VCAN: variants seen among roughly 807,000 people sequenced by gnomAD.
The protein encoded by VCAN is versican.
A neutral mutation model predicts 245.5 loss-of-function variants in VCAN; 44 were observed. The ratio of observed to expected loss-of-function variants is 0.18; its 90% CI spans 0.14 to 0.23. VCAN has a LOEUF of 0.23. Among genes scored for constraint, VCAN ranks in the 10% least tolerant of loss-of-function variants. VCAN has a pLI of 1.00. For synonymous variants in VCAN, 1,413 were observed against 1,437.0 expected, an observed-to-expected ratio of 0.98 and a Z score of 0.38; for missense variants, 3,793 against 4,057.9, an observed-to-expected ratio of 0.93 and a Z score of 1.77.
chr5:83,481,969 A>G (rs558406141), intron 1 of VCAN, among the ~76,000 whole-genome samples: 117 of 152,320 alleles, frequency 7.7e-4, no homozygotes, highest in African/African-American at 2.8e-3. Context: ...TTCTTTTCCA[A>G]TGAAGTTTTT....
intron 13 of VCAN, among the ~76,000 whole-genome samples, chr5:83,577,859 A>G (rs1006461107): frequency 1.3e-5 from 2 of 152,082 alleles, no homozygotes; most frequent in Non-Finnish European, 2.9e-5. Context: ...TTTCTGGTCT[A>G]TTTTCCTGTC....
intron 11 of VCAN, 49 bp from the exon 12 acceptor site, chr5:83,554,907 C>A: frequency 6.5e-7 from 1 of 1,526,800 alleles, no homozygotes; most frequent in Non-Finnish European, 9.1e-7. Context: ...TATTTTCATC[C>A]ATATATGGAA....
rs757255572 is a variant in VCAN, at chr5:83,520,602, A to G, written c.2296A>G (p.Met766Val). ...LSAEPTEVRD[M>V]EEDFTATPGT... ...TGCAGAGCCAACAGAAGTAAGAGAT[A>G]TGGAGGAAGACTTTACAGCAACTCC... Residue 766 changes from methionine to valine, a missense_variant, in exon 7 of 15, where the codon ATG becomes GTG. This residue lies in a region of VCAN where 3,182 missense variants were observed against 3,250.3 expected (regional missense o/e 0.98). Coordinates refer to ENST00000265077, the MANE Select transcript of VCAN (RefSeq NM_004385.5). 21 of 1,613,946 alleles carry G rather than the reference A, an allele frequency of 1.3e-5. No homozygotes were observed. The African/African-American group carries it at 1.9e-4, about 14-fold the overall frequency.
intron 5 of VCAN, among the ~76,000 whole-genome samples, chr5:83,499,223 T>C (rs1294245276): frequency 6.6e-6 from 1 of 152,164 alleles, no homozygotes; most frequent in African/African-American, 2.4e-5. Context: ...CCATGTGATT[T>C]ATTGCTTAAT....
chr5:83,571,773 T>C (rs1352189124), intron 12 of VCAN, among the ~76,000 whole-genome samples: 2 of 152,168 alleles, frequency 1.3e-5, no homozygotes, highest in African/African-American at 4.8e-5. Flanking sequence ...CTCAACTGTA[T>C]GGTGCAAATA....
chr5:83,497,254 A>G (rs1745187858), intron 5 of VCAN, among the ~76,000 whole-genome samples: 2 of 152,238 alleles, frequency 1.3e-5, no homozygotes, highest in Admixed American at 1.3e-4. Context: ...AAAGATATAT[A>G]GTTGACAGTA....
At chr5:83,525,034 C>G (rs1746239809) in intron 7 of VCAN, among the ~76,000 whole-genome samples, 1 of 146,506 alleles carries the variant, frequency 6.8e-6, no homozygotes, top group Non-Finnish European at 1.5e-5. Context: ...CTCAGCGAGT[C>G]ATATAAATCT....
In VCAN at chr5:83,540,346, C is replaced by A. The variant is rs745845546; in HGVS notation, c.7343C>A (p.Thr2448Asn). 6.2e-7 allele frequency: 1 copy of A among 1,614,074 alleles called. No individual in the cohort carries two copies. Among genetic ancestry groups the A allele is most frequent in the Non-Finnish European group, 8.5e-7 (1 of 1,179,972 alleles). Residue 2448 changes from threonine (T) to asparagine (N), a missense_variant, in exon 8 of 15, where the codon ACT becomes AAT. Coordinates refer to ENST00000265077, the MANE Select transcript of VCAN (RefSeq NM_004385.5). The part of the protein sequence containing the change: ...IVDSFHTSAT[T>N]QATRQESSTT... The stretch of plus-strand genomic sequence containing the variant: ...GATTCATTTCACACTTCTGCAACTA[C>A]TCAGGCAACCAGACAAGAAAGCAGC...
chr5:83,507,254 A>T lies in VCAN; in HGVS notation c.749-4849A>T, dbSNP rs574059557. ...GGCTTCTTGTCAAACTACAAAAAAG[A>T]TGCTTGTTTTCCAGGAAAGCAACTA... On this transcript the variant is annotated intron_variant, in intron 5 of 14. Coordinates refer to ENST00000265077, the MANE Select transcript of VCAN (RefSeq NM_004385.5). Among the ~76,000 whole-genome samples the T allele has an allele frequency of 2.0e-5, 3 of 152,318 alleles. No homozygotes were observed. The East Asian group carries it at 5.8e-4, about 29-fold the overall frequency.
At chr5:83,575,246 C>T (rs1561277793) in intron 13 of VCAN, among the ~76,000 whole-genome samples, 1 of 152,162 alleles carries the variant, frequency 6.6e-6, no homozygotes, top group Non-Finnish European at 1.5e-5. Flanking sequence ...CAGCTGTTAG[C>T]AATAAGTACG....
At chr5:83,519,230 C>A in intron 6 of VCAN, 119 bp from the exon 7 acceptor site, 1 of 973,504 alleles carries the variant, frequency 1.0e-6, no homozygotes. Context: ...CATCACAGAA[C>A]ATTTCTGGGC....
At chr5:83,516,112 G>A (rs527776859) in intron 6 of VCAN, among the ~76,000 whole-genome samples, 60 of 152,106 alleles carry the variant, frequency 3.9e-4, no homozygotes, top group African/African-American at 1.4e-3. Flanking sequence ...GGCGCCTGTA[G>A]TCCCAGTCCC....
intron 12 of VCAN, among the ~76,000 whole-genome samples, chr5:83,565,985 C>T (rs755285709): frequency 1.2e-4 from 18 of 147,922 alleles, no homozygotes; most frequent in South Asian, 2.1e-4. Flanking sequence ...TTTTTTGAGA[C>T]GGTGTCTCAC....
chr5:83,574,443 C>T (rs879612739), intron 13 of VCAN, among the ~76,000 whole-genome samples: 8 of 152,132 alleles, frequency 5.3e-5, no homozygotes, highest in Non-Finnish European at 1.0e-4. Flanking sequence ...AATAATTTCT[C>T]CTGACATGAT....
intron 12 of VCAN, among the ~76,000 whole-genome samples, chr5:83,562,783 A>G (rs975079650): frequency 2.6e-5 from 4 of 152,094 alleles, no homozygotes; most frequent in African/African-American, 9.7e-5. Flanking sequence ...GGCACCATTC[A>G]TTCTATGGAT....
chr5:83,554,897 T>C, intron 11 of VCAN, 59 bp from the exon 12 acceptor site: 1 of 1,496,478 alleles, frequency 6.7e-7, no homozygotes, highest in South Asian at 1.1e-5. Context: ...TTCTTTGATA[T>C]ATTTTCATCC....
At position 83,539,346 on chromosome 5, in the gene VCAN, A is replaced by G. The variant is rs1231020338; in HGVS notation, c.6343A>G (p.Thr2115Ala). The G allele has an allele frequency of 1.2e-6, 2 of 1,614,136 alleles. No individual in the cohort carries two copies. Among genetic ancestry groups the G allele is most frequent in the Non-Finnish European group, 1.7e-6 (2 of 1,180,004 alleles). The change falls in exon 8 of 15, where the codon ACA becomes GCA. Residue 2115 changes from threonine (T) to alanine (A), a missense_variant. By Grantham distance (58) the Thr-to-Ala change is moderately conservative. Transcript: ENST00000265077. The stretch of plus-strand genomic sequence containing the variant: ...AAGACAAGAAATTGAAAGTGAAACA[A>G]CATCAGAGGAACAAATTCAAGAAGA... ...PVRQEIESETTSEEQIQEEKS... is the reference protein window; with the variant it reads ...PVRQEIESETASEEQIQEEKS...
chr5:83,487,638 C>T (rs781040546), intron 2 of VCAN, among the ~76,000 whole-genome samples: 7 of 152,126 alleles, frequency 4.6e-5, no homozygotes, highest in Non-Finnish European at 8.8e-5. Flanking sequence ...TTTTGTTAAT[C>T]TTGTTAAGTT....
chr5:83,477,422 T>G (rs886450596), intron 1 of VCAN, among the ~76,000 whole-genome samples: 1 of 152,162 alleles, frequency 6.6e-6, no homozygotes, highest in African/African-American at 2.4e-5. Flanking sequence ...AATAAATGGT[T>G]TCAGGACAAT....
Sources: gnomAD v4.1 joint callset for allele counts (sites outside exome capture counted in the v4.1 genomes callset) on GRCh38, gnomAD v4.1.1 for gene constraint, gnomAD v4.1.1 regional missense constraint, MANE v1.5 for transcripts, NCBI Gene and HGNC (gene_info 2026-07-23, HGNC 2026-07-21) for gene names.